The following SLC18B1 variants were observed in gnomAD, a reference collection of about 807,000 sequenced individuals.
SLC18B1 encodes the protein MFS-type transporter SLC18B1.
Under a neutral mutation model 53.9 loss-of-function variants are expected in SLC18B1, and 62 were observed. The observed-to-expected ratio is 1.15, with a 90% CI of 0.94 to 1.42. The LOEUF (loss-of-function observed/expected upper bound fraction) is 1.42, where lower values mean the gene tolerates loss of function less well. Ranked by LOEUF, SLC18B1 falls within the 40% of genes most tolerant of loss-of-function variation. The probability of loss-of-function intolerance (pLI) is 0.00; values close to 1 mark genes in which losing one functional copy is unlikely to be tolerated. For synonymous variants in SLC18B1, 217 were observed against 200.9 expected, an observed-to-expected ratio of 1.08 and a Z score of -0.68; for missense variants, 598 against 547.3, an observed-to-expected ratio of 1.09 and a Z score of -0.93.
At chr6:132,795,575 C>A (rs1781655538) in intron 2 of SLC18B1, among the ~76,000 whole-genome samples, 1 of 152,178 alleles carries the variant, frequency 6.6e-6, no homozygotes, top group Non-Finnish European at 1.5e-5. Flanking sequence ...TTTTGTAACA[C>A]ACAGAACGAA....
intron 2 of SLC18B1, 66 bp from the exon 3 acceptor site, chr6:132,790,338 T>C (rs1307692142): frequency 6.1e-6 from 7 of 1,142,082 alleles, no homozygotes; most frequent in Admixed American, 2.7e-5. Flanking sequence ...AAAATGGAAA[T>C]AATAGATCAG....
chr6:132,783,800 T>A (rs1781298365), intron 6 of SLC18B1, 133 bp downstream of exon 6: 1 of 686,818 alleles, frequency 1.5e-6, no homozygotes. Context: ...TTGCCTACAT[T>A]ACTGAAAAAA....
chr6:132,798,324 T>G (rs184431726), intron 1 of SLC18B1, 90 bp downstream of exon 1: 3 of 1,322,410 alleles, frequency 2.3e-6, no homozygotes, highest in Non-Finnish European at 3.0e-6. Flanking sequence ...CGGAAACAGA[T>G]CAAGCTATAA....
chr6:132,790,299 G>T, intron 2 of SLC18B1, 27 bp from the exon 3 acceptor site: 1 of 1,472,926 alleles, frequency 6.8e-7, no homozygotes, highest in Non-Finnish European at 9.1e-7. Flanking sequence ...CGGAAACAAA[G>T]TTTCAAAGAA....
At chr6:132,780,853 C>A (rs1369387358) in intron 6 of SLC18B1, among the ~76,000 whole-genome samples, 1 of 152,072 alleles carries the variant, frequency 6.6e-6, no homozygotes, top group Non-Finnish European at 1.5e-5. Context: ...AGCCACCACC[C>A]CTGGTAGGTG....
intron 2 of SLC18B1, among the ~76,000 whole-genome samples, chr6:132,793,049 A>T (rs748516160): frequency 1.1e-4 from 17 of 152,184 alleles, no homozygotes; most frequent in Non-Finnish European, 1.9e-4. Context: ...TGAACTCAGG[A>T]GGCGGAGGTT....
intron 4 of SLC18B1, chr6:132,789,562 A>T (rs1781469626): frequency 2.1e-6 from 1 of 477,044 alleles, no homozygotes; most frequent in East Asian, 3.2e-5. Flanking sequence ...AGCATCACGG[A>T]GATCCCCCGG....
At chr6:132,792,269 A>G (rs903099846) in intron 2 of SLC18B1, among the ~76,000 whole-genome samples, 926 of 49,812 alleles carry the variant, frequency 0.019, 29 homozygotes, top group Middle Eastern at 0.039. Context: ...GAAAGAAAGA[A>G]AGAAAGAAAG....
intron 2 of SLC18B1, 44 bp downstream of exon 2, chr6:132,796,938 A>C: frequency 6.4e-7 from 1 of 1,557,510 alleles, no homozygotes; most frequent in Non-Finnish European, 8.6e-7. Flanking sequence ...TAAAAAACAA[A>C]CAAACAAAAA....
At chr6:132,777,695 C>T (rs1470087806) in intron 7 of SLC18B1, among the ~76,000 whole-genome samples, 1 of 152,170 alleles carries the variant, frequency 6.6e-6, no homozygotes, top group African/African-American at 2.4e-5. Context: ...GCCTGGGCAA[C>T]AGAGCAAGGC....
At chr6:132,786,905 C>G (rs945577989) in intron 5 of SLC18B1, among the ~76,000 whole-genome samples, 1 of 152,128 alleles carries the variant, frequency 6.6e-6, no homozygotes, top group African/African-American at 2.4e-5. Flanking sequence ...CAATATCATG[C>G]CACCAGGATC....
At chr6:132,787,697 C>G (rs566859691) in intron 4 of SLC18B1, 116 bp from the exon 5 acceptor site, 86 of 853,744 alleles carry the variant, frequency 1.0e-4, no homozygotes, top group Non-Finnish European at 1.4e-4. Flanking sequence ...TAGAATAAAC[C>G]GCTTTAGAAT....
intron 8 of SLC18B1, among the ~76,000 whole-genome samples, chr6:132,775,175 T>C (rs1236231453): frequency 1.3e-5 from 2 of 152,190 alleles, no homozygotes; most frequent in Non-Finnish European, 2.9e-5. Context: ...CATTCCATCA[T>C]GGTGAGGTTA....
At chr6:132,779,489 C>T (rs1216990238) in intron 6 of SLC18B1, 85 bp from the exon 7 acceptor site, 36 of 1,399,036 alleles carry the variant, frequency 2.6e-5, no homozygotes, top group Non-Finnish European at 3.9e-6. Context: ...CTGGTAACAC[C>T]ATCTTTATCT....
chr6:132,790,355 ATCT>A, intron 2 of SLC18B1, 83 bp from the exon 3 acceptor site: 1 of 945,662 alleles, frequency 1.1e-6, no homozygotes, highest in Non-Finnish European at 1.5e-6. Context: ...TCAGGGCATC[ATCT>A]TCTTGTGAAC....
chr6:132,770,987 G>A (rs1273179821), intron 12 of SLC18B1, 48 bp from the exon 13 acceptor site: 1 of 1,610,384 alleles, frequency 6.2e-7, no homozygotes, highest in East Asian at 2.2e-5. Context: ...TCCAAGTCAA[G>A]TTTTTCCACA....
At position 132,798,555 on chromosome 6, in the gene SLC18B1, G is replaced by T; in HGVS notation, c.-99C>A. On this transcript the variant is annotated 5_prime_UTR_variant, in exon 1 of 14. Transcript: ENST00000275227. ...ACTGGCACTCTGGCGGGCGGCCGCTGCTCAGCTGGAACCTGGCATCCCCGA... is the reference window on the plus strand; with the variant it reads ...ACTGGCACTCTGGCGGGCGGCCGCTTCTCAGCTGGAACCTGGCATCCCCGA... 1 of 1,255,114 alleles carries T rather than the reference G, an allele frequency of 8.0e-7. No homozygotes were observed. The highest frequency in any genetic ancestry group is 1.0e-6 in the Non-Finnish European group (1 of 960,800). The allele number at this position is 1,255,114 out of a possible 1,614,324, so 77.7% of individuals were successfully genotyped here. A position where few individuals can be genotyped will look rare whatever the true frequency, so the allele number is the denominator to read the frequency against.
rs569686420 is a variant in SLC18B1 at position 132,791,654 on chromosome 6, A to G, written c.184-1382T>C. ...GTCCCTAAGCACTTGGTGGTGGGTG[A>G]GGGCAGAGAGGATGGGCCCACAGCT... On this transcript the variant is annotated intron_variant, in intron 2 of 13. Transcript: ENST00000275227. Among the ~76,000 whole-genome samples the G allele has an allele frequency of 2.6e-5, 4 of 152,276 alleles. No homozygotes were observed. In the South Asian group the frequency reaches 8.3e-4, roughly 32 times the overall value.
intron 4 of SLC18B1, 116 bp downstream of exon 4, chr6:132,789,647 TA>T: frequency 1.4e-6 from 1 of 736,578 alleles, no homozygotes; most frequent in South Asian, 1.6e-5. Flanking sequence ...AGTCACATGC[TA>T]TGCATTTGAC....
Sources: gnomAD v4.1 joint callset for allele counts (sites outside exome capture counted in the v4.1 genomes callset) on GRCh38, gnomAD v4.1.1 for gene constraint, MANE v1.5 for transcripts, NCBI Gene and HGNC (gene_info 2026-07-23, HGNC 2026-07-21) for gene names.